CCNY: variants seen among roughly 807,000 people sequenced by gnomAD.
CCNY encodes the protein cyclin Y.
CCNY carries 19 observed loss-of-function variants against 42.8 expected under a neutral mutation model. The ratio of observed to expected loss-of-function variants is 0.44; its 90% CI spans 0.31 to 0.65. CCNY has a LOEUF of 0.65. Ranked by LOEUF, CCNY falls within the 30% of genes least tolerant of loss-of-function variation. CCNY has a pLI of 0.07. For synonymous variants in CCNY, 165 were observed against 162.7 expected, an observed-to-expected ratio of 1.01 and a Z score of -0.11; for missense variants, 370 against 437.3, an observed-to-expected ratio of 0.85 and a Z score of 1.37.
At chr10:35,566,832 A>G (rs541058452) in intron 9 of CCNY, among the ~76,000 whole-genome samples, 27 of 151,974 alleles carry the variant, frequency 1.8e-4, no homozygotes, top group Middle Eastern at 3.4e-3. Context: ...CAGCCTCCCT[A>G]GTAGCTGGGA....
At chr10:35,492,751 G>C (rs1209818807) in intron 2 of CCNY, among the ~76,000 whole-genome samples, 1 of 152,256 alleles carries the variant, frequency 6.6e-6, no homozygotes, top group African/African-American at 2.4e-5. Flanking sequence ...ACTTGCCGTG[G>C]CACGGTGGCA....
At chr10:35,266,249 C>CTTTTTTTTTTTTT (rs773886027) in intron 3 of CCNY, among the ~76,000 whole-genome samples, 59 of 110,128 alleles carry the variant, frequency 5.4e-4, no homozygotes, top group Non-Finnish European at 7.5e-4. Flanking sequence ...GGCTAATTTC[C>CTTTTTTTTTTTTT]TTTTTTTTTT....
chr10:35,412,145 G>A (rs544888199), intron 1 of CCNY, among the ~76,000 whole-genome samples: 1 of 152,332 alleles, frequency 6.6e-6, no homozygotes, highest in Admixed American at 6.5e-5. Flanking sequence ...GGTCAGGGAG[G>A]TGGAGAAGTG....
intron 7 of CCNY, among the ~76,000 whole-genome samples, chr10:35,541,962 C>G (rs1451577453): frequency 6.6e-6 from 1 of 150,578 alleles, no homozygotes; most frequent in Non-Finnish European, 1.5e-5. Flanking sequence ...CCCTTTTTTT[C>G]TTTAGGATCC....
At chr10:35,565,294 C>T (rs933706861) in intron 8 of CCNY, among the ~76,000 whole-genome samples, 7 of 152,138 alleles carry the variant, frequency 4.6e-5, no homozygotes, top group African/African-American at 1.4e-4. Context: ...GGGCAAGAGC[C>T]TCAGCCTCAC....
chr10:35,449,129 A>C (rs1838856831), intron 1 of CCNY, among the ~76,000 whole-genome samples: 1 of 151,856 alleles, frequency 6.6e-6, no homozygotes, highest in South Asian at 2.1e-4. Flanking sequence ...AGTTCAGTGG[A>C]GTCAGTGCTG....
At chr10:35,512,906 TTCC>T (rs1325092164) in intron 3 of CCNY, among the ~76,000 whole-genome samples, 1 of 152,152 alleles carries the variant, frequency 6.6e-6, no homozygotes, top group Non-Finnish European at 1.5e-5. Context: ...TTATCCCTGC[TTCC>T]TCCTCCTCAT....
rs186803561 is a variant in CCNY, at chr10:35,256,606, C to A, written c.-9+5980C>A. Among the ~76,000 whole-genome samples the A allele has an allele frequency of 2.0e-3, 303 of 151,988 alleles. 1 individual carries two copies. Among genetic ancestry groups the A allele is most frequent in the Non-Finnish European group, 3.6e-3 (247 of 67,974 alleles). ...AATTAGCTGGGTGTGGTGGCGGGTG[C>A]CTGTAATCCCAGCTACTAGGGAGGC... On this transcript the variant is annotated intron_variant, in intron 3 of 11. Coordinates refer to the CCNY transcript ENST00000374706.
chr10:35,566,011 T>C lies in CCNY; in HGVS notation c.747-12T>C. On this transcript the variant is annotated splice_polypyrimidine_tract_variant and intron_variant, in intron 8 of 9. Transcript: ENST00000374704. Reference sequence around the variant, plus strand: ...CAGCTAAGCATAGGCTATTTTTGTCTTTGCTTTGCAGGAACGAGCTAGAGC... The same window carrying C: ...CAGCTAAGCATAGGCTATTTTTGTCCTTGCTTTGCAGGAACGAGCTAGAGC... 4 of 1,609,880 alleles carry C rather than the reference T, an allele frequency of 2.5e-6. No homozygotes were observed. The highest frequency in any genetic ancestry group is 3.4e-6 in the Non-Finnish European group (4 of 1,177,910).
In CCNY at chr10:35,337,111, C is replaced by A. The variant is rs747199834; in HGVS notation, c.58C>A (p.His20Asn). Residue 20 changes from histidine to asparagine, a missense_variant, in exon 1 of 10, where the codon CAC becomes AAC. Physicochemically the swap from His to Asn is moderately conservative, Grantham distance 68. Around this residue, in one of 2 missense-constraint regions of CCNY, gnomAD observed 136 missense variants for 124.2 expected, o/e 1.09. Transcript: ENST00000374704. ...CAGTCCCAAGCTCCGGAGGAATGCCCACTCCCGGCTGGAGTCCTACCGGCC... is the reference window on the plus strand; with the variant it reads ...CAGTCCCAAGCTCCGGAGGAATGCCAACTCCCGGCTGGAGTCCTACCGGCC... ...SSSPKLRRNAHSRLESYRPDT... is the reference protein window; with the variant it reads ...SSSPKLRRNANSRLESYRPDT... 8.8e-6 allele frequency: 14 copies of A among 1,593,860 alleles called. No individual in the cohort carries two copies. The highest frequency in any genetic ancestry group is 1.0e-5 in the Non-Finnish European group (12 of 1,172,118).
chr10:35,247,527 A>G (rs2095708906), intron 1 of CCNY, among the ~76,000 whole-genome samples: 1 of 152,076 alleles, frequency 6.6e-6, no homozygotes, highest in Non-Finnish European at 1.5e-5. Flanking sequence ...TTGAGGCTGC[A>G]GTGAGCTAGG....
intron 4 of CCNY, among the ~76,000 whole-genome samples, chr10:35,518,582 T>TAA (rs1840476716): frequency 1.7e-5 from 2 of 117,196 alleles, no homozygotes; most frequent in Admixed American, 8.2e-5. Flanking sequence ...CTGGCTGAGG[T>TAA]ATGCTGTGAG....
At chr10:35,283,783 TA>T (rs5784446) in intron 3 of CCNY, among the ~76,000 whole-genome samples, 46,175 of 151,914 alleles carry the variant, frequency 0.3, 7,172 homozygotes, top group South Asian at 0.42. Flanking sequence ...ACGGTTTTTC[TA>T]AAAAAATAGC....
chr10:35,494,073 G>C (rs1425125928), intron 2 of CCNY, among the ~76,000 whole-genome samples: 2 of 152,110 alleles, frequency 1.3e-5, no homozygotes, highest in Non-Finnish European at 2.9e-5. Flanking sequence ...ATCTTTTTCT[G>C]TGTTTTCCTT....
rs1218325292 is a variant in CCNY, at chr10:35,572,422, G to T, written c.*3252G>T. Reference sequence around the variant, plus strand: ...AGCCTCCCGAGTAGCTAGGATCACAGGCACCCACCACCATGCCCAGCTGAT... The same window carrying T: ...AGCCTCCCGAGTAGCTAGGATCACATGCACCCACCACCATGCCCAGCTGAT... On this transcript the variant is annotated 3_prime_UTR_variant, in exon 10 of 10. Coordinates refer to ENST00000374704, the MANE Select transcript of CCNY (RefSeq NM_145012.6). 1 of 151,962 alleles carries T rather than the reference G, an allele frequency of 6.6e-6. No homozygotes were observed. The highest frequency in any genetic ancestry group is 1.5e-5 in the Non-Finnish European group (1 of 68,044). The allele number at this position is 151,962 out of a possible 1,614,324, so 9.4% of individuals were successfully genotyped here.
chr10:35,341,538 C>G (rs1219217449), intron 1 of CCNY, among the ~76,000 whole-genome samples: 3 of 152,160 alleles, frequency 2.0e-5, no homozygotes, highest in Admixed American at 1.3e-4. Context: ...CTGATGTAAC[C>G]AAGTGCCTAG....
At chr10:35,268,450 T>G (rs2095727851) in intron 3 of CCNY, among the ~76,000 whole-genome samples, 1 of 152,110 alleles carries the variant, frequency 6.6e-6, no homozygotes, top group African/African-American at 2.4e-5. Flanking sequence ...CCTGCCCCCG[T>G]GGTTTTGCTG....
chr10:35,445,771 T>A (rs779927148), intron 1 of CCNY, among the ~76,000 whole-genome samples: 4 of 152,244 alleles, frequency 2.6e-5, no homozygotes, highest in Non-Finnish European at 4.4e-5. Context: ...ATAATCCTGC[T>A]GATACTTGTT....
intron 3 of CCNY, among the ~76,000 whole-genome samples, chr10:35,299,022 T>TA (rs969078713): frequency 3.9e-5 from 6 of 152,330 alleles, no homozygotes; most frequent in East Asian, 1.9e-4. Flanking sequence ...CTTCATTATT[T>TA]AAAAAAACTG....
Sources: allele counts gnomAD v4.1 joint callset (sites outside exome capture counted in the v4.1 genomes callset), GRCh38; gene constraint gnomAD v4.1.1; regional missense constraint gnomAD v4.1.1; transcripts MANE v1.5; gene names NCBI Gene and HGNC (gene_info 2026-07-23, HGNC 2026-07-21).